Variants in ANK3 observed in about 807,000 individuals in gnomAD.
ANK3 encodes ankyrin-3.
Under a neutral mutation model 370.9 loss-of-function variants are expected in ANK3, and 57 were observed. The observed-to-expected ratio is 0.15, with a 90% CI of 0.12 to 0.19. The LOEUF (loss-of-function observed/expected upper bound fraction) is 0.19. ANK3 is among the 10% of genes least tolerant of loss of function. The probability of loss-of-function intolerance (pLI) is 1.00; values close to 1 mark genes in which losing one functional copy is unlikely to be tolerated. For synonymous variants in ANK3, 1,929 were observed against 1,946.3 expected (o/e 0.99, Z 0.23); for missense variants, 4,439 against 5,302.1 (o/e 0.84, Z 5.06).
At chr10:60,404,709 TA>T (rs1309012675) in intron 2 of ANK3, among the ~76,000 whole-genome samples, 3 of 151,782 alleles carry the variant, frequency 2.0e-5, no homozygotes, top group Admixed American at 6.6e-5. Context: ...TTACAAAATT[TA>T]AAAAAAAGTT....
intron 33 of ANK3, 88 bp downstream of exon 33, chr10:60,083,404 T>C: frequency 7.1e-7 from 1 of 1,407,334 alleles, no homozygotes; most frequent in East Asian, 2.4e-5. Context: ...GTATTTCAAA[T>C]TAAATAAATC....
At chr10:60,671,363 C>A (rs972563300) in intron 1 of ANK3, among the ~76,000 whole-genome samples, 41 of 152,280 alleles carry the variant, frequency 2.7e-4, no homozygotes, top group Non-Finnish European at 3.8e-4. Context: ...CCCCTCCCAG[C>A]CTTTCTGTGA....
At chr10:60,361,274 A>T (rs954603664) in intron 1 of ANK3, among the ~76,000 whole-genome samples, 4 of 152,202 alleles carry the variant, frequency 2.6e-5, no homozygotes, top group Non-Finnish European at 4.4e-5. Flanking sequence ...ACTAACAATT[A>T]TTCTACTTAC....
intron 7 of ANK3, among the ~76,000 whole-genome samples, chr10:60,253,399 T>C (rs16914658): frequency 0.12 from 18,584 of 152,212 alleles, 1,282 homozygotes; most frequent in South Asian, 0.2. Flanking sequence ...GGCACCTCTG[T>C]AGGTGAGGAA....
At chr10:60,465,780 T>TC (rs2064996802) in intron 2 of ANK3, among the ~76,000 whole-genome samples, 1 of 148,880 alleles carries the variant, frequency 6.7e-6, no homozygotes, top group African/African-American at 2.5e-5. Flanking sequence ...CTTTTTCTTT[T>TC]TTTTCTTTCT....
At chr10:60,401,971 C>T (rs549847833) in intron 2 of ANK3, among the ~76,000 whole-genome samples, 152 of 152,246 alleles carry the variant, frequency 1.0e-3, no homozygotes, top group African/African-American at 3.1e-3. Flanking sequence ...CATCCCATTC[C>T]CAACTCTACT....
chr10:60,124,715 G>A (rs1220752885), intron 25 of ANK3, among the ~76,000 whole-genome samples: 1 of 152,164 alleles, frequency 6.6e-6, no homozygotes, highest in Non-Finnish European at 1.5e-5. Flanking sequence ...GCTTATTAGA[G>A]TGGCACTATT....
rs2095552314 is a variant in ANK3, at chr10:60,163,669, CT to C, written c.2614+2921del. Among the ~76,000 whole-genome samples, 4 of 152,056 alleles carry C rather than the reference CT, an allele frequency of 2.6e-5. No individual in the cohort carries two copies. In the South Asian group the frequency reaches 8.3e-4, roughly 32 times the overall value. ...GAGAGACTACTCTTGACATTTCTTC[CT>C]TAATATTTATTTTACTTTTGCTTTT... On this transcript the variant is annotated intron_variant, in intron 23 of 43. Transcript: ENST00000280772.
intron 1 of ANK3, among the ~76,000 whole-genome samples, chr10:60,364,955 C>A: frequency 6.6e-6 from 1 of 150,802 alleles, no homozygotes; most frequent in East Asian, 1.9e-4. Flanking sequence ...GAACAAATAC[C>A]CCCAAATTAC....
chr10:60,361,842 CT>C lies in ANK3; in HGVS notation c.114+27582del, dbSNP rs368385722. The stretch of plus-strand genomic sequence containing the variant: ...GAAGTTTTGTACATAGTTCTTCAGA[CT>C]TTTTTTTTCATTAACCTAAAGCATT... On this transcript the variant is annotated intron_variant, in intron 1 of 43. Coordinates refer to ENST00000280772, the MANE Select transcript of ANK3 (RefSeq NM_020987.5). 5.3e-3 allele frequency among the ~76,000 whole-genome samples: 797 copies of C among 151,284 alleles called. 4 individuals are homozygous for C. Among genetic ancestry groups the C allele is most frequent in the South Asian group, 0.011 (54 of 4,762 alleles).
intron 1 of ANK3, among the ~76,000 whole-genome samples, chr10:60,321,200 G>A (rs1189567762): frequency 6.6e-6 from 1 of 151,942 alleles, no homozygotes; most frequent in Non-Finnish European, 1.5e-5. Flanking sequence ...GACCAGCCTG[G>A]CAGCATGAGA....
intron 1 of ANK3, among the ~76,000 whole-genome samples, chr10:60,388,395 T>C (rs1486370574): frequency 1.3e-5 from 2 of 152,224 alleles, no homozygotes; most frequent in Non-Finnish European, 2.9e-5. Context: ...AGATGCAATC[T>C]GCATGTCATT....
At chr10:60,043,213 C>G (rs2076410810) in intron 42 of ANK3, 2 of 986,564 alleles carry the variant, frequency 2.0e-6, no homozygotes, top group African/African-American at 3.5e-5. Flanking sequence ...TACTGTCAGA[C>G]CAAGAAGGCA....
At chr10:60,177,646 G>A (rs1480518998) in intron 18 of ANK3, among the ~76,000 whole-genome samples, 1 of 124,010 alleles carries the variant, frequency 8.1e-6, no homozygotes, top group Non-Finnish European at 1.6e-5. Context: ...CGCCCAGGCT[G>A]GAGTGCAGTG....
At chr10:60,675,292 G>A (rs971446350) in intron 1 of ANK3, among the ~76,000 whole-genome samples, 1 of 152,074 alleles carries the variant, frequency 6.6e-6, no homozygotes, top group African/African-American at 2.4e-5. Flanking sequence ...AAGGATCTAG[G>A]CTACCTCCCT....
At chr10:60,390,548 G>A (rs552142482), upstream of ANK3, among the ~76,000 whole-genome samples, 45 of 152,222 alleles carry the variant, frequency 3.0e-4, no homozygotes, top group African/African-American at 9.9e-4. Context: ...GTGAAGTGAA[G>A]CAGCAGCAGT....
At chr10:60,480,635 AAAG>A (rs544046267) in intron 2 of ANK3, among the ~76,000 whole-genome samples, 11 of 152,214 alleles carry the variant, frequency 7.2e-5, no homozygotes, top group Non-Finnish European at 1.5e-4. Context: ...AGAGTTTACC[AAAG>A]AAGATAATGA....
intron 1 of ANK3, among the ~76,000 whole-genome samples, chr10:60,725,179 T>C (rs755605879): frequency 3.9e-5 from 6 of 152,204 alleles, no homozygotes; most frequent in African/African-American, 7.2e-5. Flanking sequence ...TCTTATCTTT[T>C]CACCAAGCAC....
Position 60,083,478 on chromosome 10 carries a change from T to G in ANK3, c.4200+14A>C. 6.2e-7 allele frequency: 1 copy of G among 1,606,434 alleles called. No homozygotes were observed. The highest frequency in any genetic ancestry group is 8.5e-7 in the Non-Finnish European group (1 of 1,176,316). ...TCCCCATAATTCACAGATTCTCTGT[T>G]AAAGATGATTTACCTTGATGGAAAA... On this transcript the variant is annotated intron_variant, in intron 33 of 43. Transcript: ENST00000280772.
Sources: allele counts gnomAD v4.1 joint callset (sites outside exome capture counted in the v4.1 genomes callset), GRCh38; gene constraint gnomAD v4.1.1; transcripts MANE v1.5; gene names NCBI Gene and HGNC (gene_info 2026-07-23, HGNC 2026-07-21).